Variants in TMEM132D observed in about 807,000 individuals in gnomAD.
The protein encoded by TMEM132D is mature OL transmembrane protein.
Under a neutral mutation model 62.3 loss-of-function variants are expected in TMEM132D, and 21 were observed. The observed-to-expected ratio is 0.34, with a 90% CI of 0.24 to 0.49. TMEM132D has a LOEUF of 0.49. Ranked by LOEUF, TMEM132D falls within the 20% of genes least tolerant of loss-of-function variation. TMEM132D has a pLI of 0.99. For missense variants in TMEM132D, 1,346 were observed against 1,402.8 expected (o/e 0.96, Z 0.65); for synonymous variants, 621 against 575.6 (o/e 1.08, Z -1.13).
chr12:129,378,708 T>C (rs1292870894), intron 3 of TMEM132D, among the ~76,000 whole-genome samples: 1 of 152,210 alleles, frequency 6.6e-6, no homozygotes, highest in Non-Finnish European at 1.5e-5. Flanking sequence ...TCCATTTACT[T>C]GCTATAGAAG....
At chr12:129,718,129 G>A (rs1256259336) in intron 1 of TMEM132D, among the ~76,000 whole-genome samples, 1 of 152,228 alleles carries the variant, frequency 6.6e-6, no homozygotes, top group Non-Finnish European at 1.5e-5. Flanking sequence ...CAGTGAAAAC[G>A]AAGTCTTCTT....
At chr12:129,869,804 G>A (rs10847961) in intron 1 of TMEM132D, among the ~76,000 whole-genome samples, 113,000 of 152,080 alleles carry the variant, frequency 0.74, 44,312 homozygotes, top group South Asian at 0.92. Flanking sequence ...TTCTGCCAAT[G>A]GGTCATTGCA....
intron 4 of TMEM132D, among the ~76,000 whole-genome samples, chr12:129,275,064 G>C (rs1880967992): frequency 6.6e-6 from 1 of 152,118 alleles, no homozygotes; most frequent in Admixed American, 6.6e-5. Context: ...ACGATTCCTT[G>C]AGGCCAGGAG....
At chr12:129,288,046 T>C (rs773347269) in intron 4 of TMEM132D, among the ~76,000 whole-genome samples, 4 of 152,220 alleles carry the variant, frequency 2.6e-5, no homozygotes, top group Non-Finnish European at 4.4e-5. Flanking sequence ...TGTGGTTCCA[T>C]GTAAGTTTTT....
intron 3 of TMEM132D, among the ~76,000 whole-genome samples, chr12:129,399,901 G>T (rs1871568407): frequency 6.6e-6 from 1 of 151,262 alleles, no homozygotes; most frequent in African/African-American, 2.4e-5. Context: ...GTGTGGGGGG[G>T]TATATACATT....
intron 2 of TMEM132D, among the ~76,000 whole-genome samples, chr12:129,590,435 C>A (rs1459434642): frequency 6.6e-6 from 1 of 152,186 alleles, no homozygotes; most frequent in Non-Finnish European, 1.5e-5. Context: ...TTGCTGCTCC[C>A]ACAGGTATAC....
chr12:129,751,590 T>C (rs535807253), intron 1 of TMEM132D, among the ~76,000 whole-genome samples: 3 of 152,332 alleles, frequency 2.0e-5, no homozygotes, highest in South Asian at 2.1e-4. Flanking sequence ...TTAAGTTGTT[T>C]GTTAAAACAT....
chr12:129,605,587 T>TTGTATATATATATATATATATA (rs1555221320), intron 2 of TMEM132D, among the ~76,000 whole-genome samples: 3 of 107,374 alleles, frequency 2.8e-5, no homozygotes, highest in African/African-American at 1.2e-4. Context: ...AAATTAGGCA[T>TTGTATATATATATATATATATA]TATATATATA....
intron 3 of TMEM132D, among the ~76,000 whole-genome samples, chr12:129,470,988 G>C (rs1566080456): frequency 6.6e-6 from 1 of 152,132 alleles, no homozygotes; most frequent in Non-Finnish European, 1.5e-5. Flanking sequence ...TAGAGAAAAT[G>C]GGTGCATGAG....
intron 1 of TMEM132D, among the ~76,000 whole-genome samples, chr12:129,821,066 A>T (rs1253275885): frequency 1.3e-5 from 2 of 152,164 alleles, no homozygotes; most frequent in Admixed American, 1.3e-4. Context: ...TTAACAATGG[A>T]TCTGAAATTA....
At position 129,903,138 on chromosome 12, in the gene TMEM132D, CA is replaced by C; in HGVS notation, c.79+122del. The C allele has an allele frequency of 2.8e-6, 3 of 1,064,048 alleles. No individual in the cohort carries two copies. The highest frequency in any genetic ancestry group is 2.2e-5 in the Admixed American group (1 of 44,616). The allele number at this position is 1,064,048 out of a possible 1,614,324, so 65.9% of individuals were successfully genotyped here. On this transcript the variant is annotated intron_variant, in intron 1 of 8. Transcript: ENST00000422113. This position sits in a 1 kb window ranked among gnomAD's most constrained non-coding sequence, Gnocchi z 6.2. ...ACACGCGCGCACACACACATGCACA[CA>C]AGCGCGCACACACACTTGCACACGA...
intron 4 of TMEM132D, among the ~76,000 whole-genome samples, chr12:129,285,432 C>A (rs1881265281): frequency 6.7e-6 from 1 of 149,834 alleles, no homozygotes; most frequent in Non-Finnish European, 1.5e-5. Context: ...GAGGCTGAGG[C>A]AGGAAAATCG....
Position 129,555,465 on chromosome 12 carries a change from T to C in TMEM132D, c.969-24260A>G, listed in dbSNP as rs557355768. 5.9e-5 allele frequency among the ~76,000 whole-genome samples: 9 copies of C among 152,288 alleles called. No individual in the cohort carries two copies. In the East Asian group the frequency reaches 1.3e-3, roughly 23 times the overall value. ...AAAAAAATGTCGGCCTTATTAACCA[T>C]ACATGTTAAAATAGCTAGGGAAGCA... On this transcript the variant is annotated intron_variant, in intron 2 of 8. Transcript: ENST00000422113.
At chr12:129,624,120 G>A (rs1245236838) in intron 2 of TMEM132D, among the ~76,000 whole-genome samples, 1 of 152,130 alleles carries the variant, frequency 6.6e-6, no homozygotes, top group Non-Finnish European at 1.5e-5. Flanking sequence ...GAAAACTATA[G>A]AGCAGAGACT....
At chr12:129,889,166 C>T (rs10744438) in intron 1 of TMEM132D, among the ~76,000 whole-genome samples, 91,009 of 152,086 alleles carry the variant, frequency 0.6, 28,823 homozygotes, top group Middle Eastern at 0.73. Context: ...ACTTGAGCAC[C>T]TGGATCAAGC....
intron 4 of TMEM132D, among the ~76,000 whole-genome samples, chr12:129,269,025 G>T (rs1188326290): frequency 3.1e-5 from 4 of 127,718 alleles, no homozygotes; most frequent in African/African-American, 5.7e-5. Context: ...GTTGTGGGGT[G>T]GGGGGAGGGG....
chr12:129,309,755 A>G (rs771184312), intron 4 of TMEM132D, among the ~76,000 whole-genome samples: 53 of 152,324 alleles, frequency 3.5e-4, no homozygotes, highest in Non-Finnish European at 3.1e-4. Context: ...GAAGAGAAGC[A>G]TGGTGCGTTT....
At chr12:129,267,708 A>C (rs1395470238) in intron 4 of TMEM132D, among the ~76,000 whole-genome samples, 1 of 152,222 alleles carries the variant, frequency 6.6e-6, no homozygotes, top group Non-Finnish European at 1.5e-5. Flanking sequence ...GAACCAAAAA[A>C]AGAGCCCGCA....
rs73151068 is a variant in TMEM132D, at chr12:129,436,998, C to T, written c.1115+94061G>A. On this transcript the variant is annotated intron_variant, in intron 3 of 8. Coordinates refer to ENST00000422113, the MANE Select transcript of TMEM132D (RefSeq NM_133448.3). Reference sequence around the variant, plus strand: ...GGATAAATGTCTATCATAGAGACTGCTCCATCACTAACCCCTTTGTTTCTT... The same window carrying T: ...GGATAAATGTCTATCATAGAGACTGTTCCATCACTAACCCCTTTGTTTCTT... Among the ~76,000 whole-genome samples the T allele has an allele frequency of 8.4e-3, 1,285 of 152,268 alleles. 9 individuals carry two copies. The highest frequency in any genetic ancestry group is 0.024 in the Middle Eastern group (7 of 294).
Sources: allele counts gnomAD v4.1 joint callset (sites outside exome capture counted in the v4.1 genomes callset), GRCh38; gene constraint gnomAD v4.1.1; non-coding constraint Gnocchi (gnomAD v3.1); transcripts MANE v1.5; gene names NCBI Gene and HGNC (gene_info 2026-07-23, HGNC 2026-07-21).